Variants in RIMS1 observed in about 807,000 individuals in gnomAD.
The protein encoded by RIMS1 is regulating synaptic membrane exocytosis protein 1.
In RIMS1, 83 loss-of-function variants were observed where a neutral mutation model predicts 214.1. That is an observed-to-expected ratio of 0.39 (90% CI 0.32 to 0.47). The LOEUF (loss-of-function observed/expected upper bound fraction) is 0.47. Among genes scored for constraint, RIMS1 ranks in the 20% least tolerant of loss-of-function variants. The pLI is 0.99. For synonymous variants in RIMS1, 793 were observed against 786.8 expected (o/e 1.01, Z -0.13); for missense variants, 2,050 against 2,161.8 (o/e 0.95, Z 1.03).
In RIMS1 at chr6:72,041,607, T is replaced by C. The variant is rs187878308; in HGVS notation, c.246-55342T>C. 7.1e-3 allele frequency among the ~76,000 whole-genome samples: 1,087 copies of C among 152,048 alleles called. 4 individuals are homozygous for C. Among genetic ancestry groups the C allele is most frequent in the Non-Finnish European group, 8.8e-3 (597 of 67,850 alleles). ...GCTGCTATTACTCTCTCTTGTCTAA[T>C]AAGACGTGGCCTCACTCCCTCTTCC... On this transcript the variant is annotated intron_variant, in intron 2 of 33. Coordinates refer to ENST00000521978, the MANE Select transcript of RIMS1 (RefSeq NM_014989.7).
At chr6:72,218,447 G>A (rs2057172508) in intron 6 of RIMS1, among the ~76,000 whole-genome samples, 1 of 152,086 alleles carries the variant, frequency 6.6e-6, no homozygotes, top group Non-Finnish European at 1.5e-5. Context: ...AAATCCAAAG[G>A]GTCAGAGGCA....
At chr6:71,901,961 A>T (rs1234423884) in intron 1 of RIMS1, among the ~76,000 whole-genome samples, 5 of 152,112 alleles carry the variant, frequency 3.3e-5, no homozygotes, top group Non-Finnish European at 4.4e-5. Flanking sequence ...ATAAAAACAA[A>T]TAGTTGTTGC....
At position 72,064,190 on chromosome 6, in the gene RIMS1, C is replaced by T. The variant is rs368428202; in HGVS notation, c.246-32759C>T. 1.8e-3 allele frequency among the ~76,000 whole-genome samples: 278 copies of T among 152,128 alleles called. 2 individuals carry two copies. Among genetic ancestry groups the T allele is most frequent in the Middle Eastern group, 0.01 (3 of 294 alleles). On this transcript the variant is annotated intron_variant, in intron 2 of 33. Transcript: ENST00000521978. ...AAAATTAGCCAGGCATAGCAGCAGG[C>T]GCCTGTAATCCCAGCAACTTGGGAG...
At chr6:72,357,335 G>C (rs1353648265) in intron 29 of RIMS1, among the ~76,000 whole-genome samples, 1 of 152,184 alleles carries the variant, frequency 6.6e-6, no homozygotes, top group African/African-American at 2.4e-5. Flanking sequence ...TCTTTACTCA[G>C]ATGAAGGATC....
At chr6:72,220,171 G>A (rs980877191) in intron 6 of RIMS1, among the ~76,000 whole-genome samples, 1 of 151,994 alleles carries the variant, frequency 6.6e-6, no homozygotes, top group Non-Finnish European at 1.5e-5. Flanking sequence ...CTGAGGCTGA[G>A]GACCTGCAAG....
At chr6:72,225,333 A>G (rs939670456) in intron 6 of RIMS1, among the ~76,000 whole-genome samples, 3 of 151,986 alleles carry the variant, frequency 2.0e-5, no homozygotes, top group African/African-American at 7.2e-5. Context: ...CTTTATTATC[A>G]TTTTACTATT....
At chr6:72,267,045 T>A (rs898485242) in intron 22 of RIMS1, among the ~76,000 whole-genome samples, 1 of 152,110 alleles carries the variant, frequency 6.6e-6, no homozygotes, top group Non-Finnish European at 1.5e-5. Flanking sequence ...ATATACCTTG[T>A]TTTAGTGCCT....
intron 4 of RIMS1, among the ~76,000 whole-genome samples, chr6:72,142,414 A>C (rs1260266017): frequency 6.6e-6 from 1 of 152,066 alleles, no homozygotes; most frequent in Non-Finnish European, 1.5e-5. Flanking sequence ...ACATCGTTTT[A>C]TGTATTTTAA....
intron 1 of RIMS1, among the ~76,000 whole-genome samples, chr6:71,898,520 C>T (rs1445229050): frequency 6.6e-6 from 1 of 152,126 alleles, no homozygotes; most frequent in East Asian, 1.9e-4. Flanking sequence ...ACAGCACTGA[C>T]TTTTGCATTT....
chr6:72,058,460 C>T (rs1047192584), intron 2 of RIMS1, among the ~76,000 whole-genome samples: 1 of 152,228 alleles, frequency 6.6e-6, no homozygotes, highest in African/African-American at 2.4e-5. Context: ...TTGGAAGCCC[C>T]TCTGGGGTTG....
At chr6:72,255,682 T>C (rs1480174800) in intron 16 of RIMS1, among the ~76,000 whole-genome samples, 1 of 152,060 alleles carries the variant, frequency 6.6e-6, no homozygotes, top group Non-Finnish European at 1.5e-5. Flanking sequence ...AACCAGAAAA[T>C]GAGAAAAAAA....
At chr6:72,266,918 G>A (rs989930551) in intron 22 of RIMS1, among the ~76,000 whole-genome samples, 3 of 151,888 alleles carry the variant, frequency 2.0e-5, no homozygotes, top group African/African-American at 7.3e-5. Context: ...AATGTAACCC[G>A]CTCCTCCTTC....
intron 4 of RIMS1, among the ~76,000 whole-genome samples, chr6:72,128,144 G>T (rs534960620): frequency 6.6e-6 from 1 of 152,120 alleles, no homozygotes; most frequent in Non-Finnish European, 1.5e-5. Context: ...AGAGAGGGGC[G>T]CTATCTTCCT....
At chr6:72,332,030 G>T (rs1023853836) in intron 28 of RIMS1, among the ~76,000 whole-genome samples, 9 of 151,674 alleles carry the variant, frequency 5.9e-5, no homozygotes, top group African/African-American at 2.2e-4. Flanking sequence ...CCACCTTTAT[G>T]AACTCACCTC....
rs144382836 is a variant in RIMS1, at chr6:72,309,877, A to G, written c.3963+2507A>G. 8.7e-3 allele frequency among the ~76,000 whole-genome samples: 1,324 copies of G among 152,164 alleles called. 19 individuals are homozygous for G. The highest frequency in any genetic ancestry group is 0.03 in the African/African-American group (1,253 of 41,558). On this transcript the variant is annotated intron_variant, in intron 27 of 33. Transcript: ENST00000521978. ...CACATCTCTAATATTTATATTATAT[A>G]CTAACACATACAATAGAATTTTTTT...
intron 2 of RIMS1, among the ~76,000 whole-genome samples, chr6:71,972,369 A>G (rs1796068687): frequency 6.6e-6 from 1 of 152,208 alleles, no homozygotes; most frequent in Non-Finnish European, 1.5e-5. Context: ...GGGTAAATGT[A>G]CATGACTTTC....
intron 1 of RIMS1, among the ~76,000 whole-genome samples, chr6:71,921,240 C>A (rs1779881332): frequency 6.6e-6 from 1 of 152,138 alleles, no homozygotes; most frequent in Admixed American, 6.5e-5. Flanking sequence ...CCTGCCTCAG[C>A]CTCCTGAGTA....
intron 4 of RIMS1, among the ~76,000 whole-genome samples, chr6:72,172,207 A>G (rs2047127669): frequency 6.6e-6 from 1 of 152,172 alleles, no homozygotes; most frequent in Non-Finnish European, 1.5e-5. Context: ...TACAACTTAA[A>G]TGAATAAAAA....
intron 2 of RIMS1, among the ~76,000 whole-genome samples, chr6:71,988,400 A>C (rs1007201412): frequency 1.1e-4 from 17 of 152,146 alleles, no homozygotes; most frequent in Admixed American, 2.6e-4. Context: ...TTTGGGGTCC[A>C]TGAGAACTAA....
Sources: gnomAD v4.1 joint callset for allele counts (sites outside exome capture counted in the v4.1 genomes callset) on GRCh38, gnomAD v4.1.1 for gene constraint, MANE v1.5 for transcripts, NCBI Gene and HGNC (gene_info 2026-07-23, HGNC 2026-07-21) for gene names.